PACS2: variants seen among roughly 807,000 people sequenced by gnomAD.
PACS2 encodes the protein phosphofurin acidic cluster sorting protein 2, also known as PACS1-like protein.
A neutral mutation model predicts 113.0 loss-of-function variants in PACS2; 36 were observed. The observed-to-expected ratio is 0.32, with a 90% CI of 0.24 to 0.42. The LOEUF (loss-of-function observed/expected upper bound fraction) is 0.42. Ranked by LOEUF, PACS2 falls within the 10% of genes least tolerant of loss-of-function variation. The pLI is 1.00. For synonymous variants in PACS2, 589 were observed against 536.1 expected (o/e 1.10, Z -1.36); for missense variants, 1,015 against 1,239.5 (o/e 0.82, Z 2.72).
intron 8 of PACS2, among the ~76,000 whole-genome samples, chr14:105,375,462 AC>A: frequency 6.8e-6 from 1 of 147,882 alleles, no homozygotes; most frequent in East Asian, 2.0e-4. Flanking sequence ...TGGGCAACAG[AC>A]AGTGCGAGAC....
intron 1 of PACS2, among the ~76,000 whole-genome samples, chr14:105,335,223 G>A (rs2140930955): frequency 6.6e-6 from 1 of 152,380 alleles, no homozygotes; most frequent in South Asian, 2.1e-4. Flanking sequence ...AGCCACCTCG[G>A]AGGCTTCCCT....
At chr14:105,392,491 C>T (rs886273681) in intron 22 of PACS2, 128 bp from the exon 23 acceptor site, 43 of 752,226 alleles carry the variant, frequency 5.7e-5, no homozygotes, top group East Asian at 5.7e-4. Flanking sequence ...TCCAAGCACC[C>T]GGCCCTCCTC....
intron 4 of PACS2, among the ~76,000 whole-genome samples, chr14:105,364,385 G>A (rs1258111034): frequency 5.6e-5 from 7 of 125,436 alleles, no homozygotes; most frequent in Admixed American, 3.1e-4. Context: ...TCCCGGGTGC[G>A]CGGTGGGCGG....
intron 1 of PACS2, among the ~76,000 whole-genome samples, chr14:105,343,855 A>G (rs2059824074): frequency 6.6e-6 from 1 of 151,286 alleles, no homozygotes; most frequent in African/African-American, 2.4e-5. Context: ...CTCACTTTTT[A>G]TTAGGTTGTT....
At chr14:105,322,784 T>G (rs2058949343) in intron 1 of PACS2, among the ~76,000 whole-genome samples, 1 of 152,248 alleles carries the variant, frequency 6.6e-6, no homozygotes, top group African/African-American at 2.4e-5. Flanking sequence ...ACCACTTCCT[T>G]TGTTGCTCAT....
chr14:105,372,136 G>C (rs2061178379), intron 8 of PACS2: 1 of 152,328 alleles, frequency 6.6e-6, no homozygotes, highest in South Asian at 2.1e-4. Flanking sequence ...CTGTGCCCAG[G>C]TGCCACACAG....
At chr14:105,343,151 G>T (rs1413702160) in intron 1 of PACS2, among the ~76,000 whole-genome samples, 6 of 152,094 alleles carry the variant, frequency 3.9e-5, no homozygotes, top group Non-Finnish European at 5.9e-5. Flanking sequence ...GACAAAAATG[G>T]TGTGTGCCCT....
intron 1 of PACS2, among the ~76,000 whole-genome samples, chr14:105,307,540 G>C (rs936929661): frequency 1.3e-5 from 2 of 152,118 alleles, no homozygotes; most frequent in Non-Finnish European, 2.9e-5. Flanking sequence ...TTTCAAAGGC[G>C]GTTGTCTCTG....
chr14:105,326,586 C>T (rs972163849), intron 1 of PACS2, among the ~76,000 whole-genome samples: 1 of 152,234 alleles, frequency 6.6e-6, no homozygotes, highest in Non-Finnish European at 1.5e-5. Flanking sequence ...GGGAGGGTGG[C>T]CCTTCCACAT....
chr14:105,364,444 T>G (rs1238197081), intron 4 of PACS2, among the ~76,000 whole-genome samples: 36 of 62,210 alleles, frequency 5.8e-4, no homozygotes, highest in African/African-American at 1.0e-3. Flanking sequence ...GTGGGCGGCG[T>G]CCCGGGTGCG....
At position 105,397,726 on chromosome 14, in the gene PACS2, C is replaced by G. The variant is rs587775093; in HGVS notation, c.*3054C>G. On this transcript the variant is annotated 3_prime_UTR_variant, in exon 25 of 25. Transcript: ENST00000447393. ...GGGTGTCTCTGCAGGGTACTGGCAG[C>G]CTTGCCACACTGTCCTCATTCCCAG... 467 of 152,472 alleles carry G rather than the reference C, an allele frequency of 3.1e-3. 4 individuals are homozygous for G. The highest frequency in any genetic ancestry group is 0.011 in the African/African-American group (442 of 41,584). 9.4% of individuals were successfully genotyped at this position (152,472 alleles called of 1,614,324 possible).
chr14:105,380,862 T>G, intron 11 of PACS2, 95 bp from the exon 12 acceptor site: 1 of 1,300,232 alleles, frequency 7.7e-7, no homozygotes, highest in Non-Finnish European at 1.0e-6. Flanking sequence ...TAGAGAGGCC[T>G]AAACCCTCAC....
intron 24 of PACS2, chr14:105,394,107 TG>T: frequency 1.7e-6 from 1 of 600,496 alleles, no homozygotes; most frequent in Non-Finnish European, 2.1e-6. Context: ...AACGGAGCTC[TG>T]GGAGGCTTTC....
At chr14:105,303,169 T>A (rs1032695503) in intron 1 of PACS2, among the ~76,000 whole-genome samples, 15 of 152,198 alleles carry the variant, frequency 9.9e-5, no homozygotes, top group African/African-American at 3.6e-4. Context: ...CCTCAAGTGA[T>A]CCACCTGTCT....
Position 105,390,018 on chromosome 14 carries a change from G to A in PACS2, c.2076+15G>A, listed in dbSNP as rs188451679. 468 of 1,612,556 alleles carry A rather than the reference G, an allele frequency of 2.9e-4. 3 individuals are homozygous for A. The African/African-American group carries it at 5.8e-3, about 20-fold the overall frequency. On this transcript the variant is annotated intron_variant, in intron 20 of 24. Transcript: ENST00000447393. ...CCTTTGTCGGGGTGAGTACTGGCCA[G>A]CTTTATGTGATGGGAAACCGCACAC...
intron 19 of PACS2, among the ~76,000 whole-genome samples, chr14:105,386,891 G>GC (rs377055241): frequency 6.6e-6 from 1 of 152,142 alleles, no homozygotes; most frequent in Non-Finnish European, 1.5e-5. Flanking sequence ...CTCCGCCCTT[G>GC]CCCCCTGGCT....
rs587660359 is a variant in PACS2 at position 105,327,726 on chromosome 14, T to C, written c.119+12689T>C. Among the ~76,000 whole-genome samples the C allele has an allele frequency of 1.6e-4, 24 of 152,310 alleles. No individual in the cohort carries two copies. The East Asian group carries it at 4.2e-3, about 27-fold the overall frequency. The stretch of plus-strand genomic sequence containing the variant: ...GGTTTCTTTAATTAGCAACATGATA[T>C]CCAGAGATTGCGACTGTGGCTCGAG... On this transcript the variant is annotated intron_variant, in intron 1 of 24. Coordinates refer to ENST00000447393, the MANE Select transcript of PACS2 (RefSeq NM_001100913.3).
chr14:105,386,581 T>A (rs765464129), intron 19 of PACS2, among the ~76,000 whole-genome samples: 1 of 152,086 alleles, frequency 6.6e-6, no homozygotes, highest in Non-Finnish European at 1.5e-5. Context: ...TGGGGGCCCC[T>A]GCTGGTCCTC....
chr14:105,328,052 G>A (rs1338580464), intron 1 of PACS2, among the ~76,000 whole-genome samples: 7 of 152,276 alleles, frequency 4.6e-5, no homozygotes, highest in Admixed American at 2.6e-4. Context: ...CCCAGGATTC[G>A]TCAACCTTCA....
Sources: gnomAD v4.1 joint callset for allele counts (sites outside exome capture counted in the v4.1 genomes callset) on GRCh38, gnomAD v4.1.1 for gene constraint, MANE v1.5 for transcripts, NCBI Gene and HGNC (gene_info 2026-07-23, HGNC 2026-07-21) for gene names.